The following PROM1 variants were observed in gnomAD, a reference collection of about 807,000 sequenced individuals.
PROM1 encodes the protein prominin 1, also known as prominin-1.
Under a neutral mutation model 116.9 loss-of-function variants are expected in PROM1, and 105 were observed. The observed-to-expected ratio is 0.90, with a 90% CI of 0.77 to 1.06. The LOEUF is 1.06. PROM1 is among the 50% of genes least tolerant of loss of function. The pLI is 0.00. For missense variants in PROM1, 1,122 were observed against 1,045.2 expected (o/e 1.07, Z -1.01); for synonymous variants, 393 against 387.0 (o/e 1.02, Z -0.18).
chr4:15,995,354 G>A (rs950941646), intron 15 of PROM1, among the ~76,000 whole-genome samples: 1 of 151,390 alleles, frequency 6.6e-6, no homozygotes, highest in Non-Finnish European at 1.5e-5. Flanking sequence ...GAAGAAGAAG[G>A]AGGAGGAGGA....
chr4:15,993,752 A>G (rs1458328121), intron 16 of PROM1, among the ~76,000 whole-genome samples: 1 of 152,252 alleles, frequency 6.6e-6, no homozygotes, highest in East Asian at 1.9e-4. Flanking sequence ...AGGCTCTTGC[A>G]TAATCCACTA....
intron 2 of PROM1, among the ~76,000 whole-genome samples, chr4:16,048,487 G>A (rs1324554034): frequency 6.6e-6 from 1 of 152,166 alleles, no homozygotes; most frequent in African/African-American, 2.4e-5. Flanking sequence ...CAGACTTTTA[G>A]AAGCCAAGCC....
chr4:16,079,520 G>T (rs1424470872), intron 1 of PROM1: 1 of 152,140 alleles, frequency 6.6e-6, no homozygotes, highest in Non-Finnish European at 1.5e-5. Flanking sequence ...TTTATCTCGG[G>T]TTTAATAGGT....
chr4:15,993,406 C>T (rs1027180608), intron 16 of PROM1, among the ~76,000 whole-genome samples: 3 of 152,192 alleles, frequency 2.0e-5, no homozygotes, highest in Non-Finnish European at 4.4e-5. Context: ...TTTCTTCAGG[C>T]CAGTGTGCCC....
chr4:16,019,731 C>T (rs1374103770), intron 8 of PROM1, among the ~76,000 whole-genome samples: 5 of 152,128 alleles, frequency 3.3e-5, no homozygotes, highest in Admixed American at 2.6e-4. Flanking sequence ...GTCAGGTCTT[C>T]GCTCTGTGGT....
At chr4:16,002,891 A>T (rs1172087762) in intron 13 of PROM1, among the ~76,000 whole-genome samples, 4 of 152,220 alleles carry the variant, frequency 2.6e-5, no homozygotes, top group Non-Finnish European at 5.9e-5. Context: ...AAGGTTAGTG[A>T]GATAATGGCT....
intron 2 of PROM1, among the ~76,000 whole-genome samples, chr4:16,045,449 G>C (rs999045107): frequency 1.3e-5 from 2 of 152,116 alleles, no homozygotes; most frequent in African/African-American, 4.8e-5. Context: ...CTCTATGTTG[G>C]ACTGAGCAGT....
intron 26 of PROM1, among the ~76,000 whole-genome samples, chr4:15,975,715 CCTT>C (rs760341618): frequency 6.6e-6 from 1 of 152,202 alleles, no homozygotes; most frequent in Non-Finnish European, 1.5e-5. Flanking sequence ...CATTTCCTAA[CCTT>C]CTGCAAATAA....
At chr4:16,021,620 T>C (rs943310739) in intron 8 of PROM1, among the ~76,000 whole-genome samples, 39 of 152,320 alleles carry the variant, frequency 2.6e-4, no homozygotes, top group African/African-American at 8.9e-4. Flanking sequence ...GGATCCAGGC[T>C]GCAGTGTTGC....
intron 2 of PROM1, among the ~76,000 whole-genome samples, chr4:16,039,687 G>A (rs545465876): frequency 1.4e-4 from 21 of 145,114 alleles, no homozygotes; most frequent in African/African-American, 4.6e-4. Context: ...GCAGTGAGCC[G>A]AAATCGCGCC....
At chr4:16,035,928 T>C (rs1733848233) in intron 3 of PROM1, among the ~76,000 whole-genome samples, 167 bp from the exon 4 acceptor site, 1 of 152,184 alleles carries the variant, frequency 6.6e-6, no homozygotes, top group Non-Finnish European at 1.5e-5. Flanking sequence ...AAAACTTGAG[T>C]GTGAATTCAA....
rs912795460 is a variant in PROM1 at position 16,037,345 on chromosome 4, G to A, written c.277-1584C>T. On this transcript the variant is annotated intron_variant, in intron 3 of 27. Transcript: ENST00000447510. ...ACTGAGGAATGAAAATGCTTTCCAC[G>A]GTGCTGGGGAAGGCTGTGAGCCCTG... Among the ~76,000 whole-genome samples the A allele has an allele frequency of 1.9e-4, 29 of 152,136 alleles. 1 individual carries two copies. Among genetic ancestry groups the A allele is most frequent in the African/African-American group, 5.3e-4 (22 of 41,414 alleles).
intron 2 of PROM1, among the ~76,000 whole-genome samples, chr4:16,059,259 C>A (rs970271212): frequency 1.3e-5 from 2 of 152,206 alleles, no homozygotes; most frequent in Non-Finnish European, 2.9e-5. Context: ...AAGTGAGTTA[C>A]CCTCTCCGAG....
At chr4:15,981,642 T>C (rs1360263919) in intron 23 of PROM1, among the ~76,000 whole-genome samples, 1 of 152,072 alleles carries the variant, frequency 6.6e-6, no homozygotes, top group Non-Finnish European at 1.5e-5. Flanking sequence ...GCAGCTGAGA[T>C]GCTTGCATCT....
intron 16 of PROM1, among the ~76,000 whole-genome samples, 179 bp from the exon 17 acceptor site, chr4:15,992,570 T>C (rs11941087): frequency 0.12 from 17,830 of 152,000 alleles, 1,092 homozygotes; most frequent in Middle Eastern, 0.15. Flanking sequence ...CAGGGCAACA[T>C]AAAGAGACCT....
intron 2 of PROM1, among the ~76,000 whole-genome samples, chr4:16,052,545 C>T (rs773908239): frequency 1.3e-5 from 2 of 151,276 alleles, no homozygotes; most frequent in African/African-American, 2.4e-5. Flanking sequence ...GGTGTGATCT[C>T]GGCTCACTGC....
intron 6 of PROM1, among the ~76,000 whole-genome samples, chr4:16,024,618 G>T (rs921227082): frequency 6.6e-6 from 1 of 152,070 alleles, no homozygotes; most frequent in Admixed American, 6.6e-5. Flanking sequence ...CAGAAGAAAG[G>T]GTACTTCCTC....
At position 15,984,327 on chromosome 4, in the gene PROM1, G is replaced by T. The variant is rs568361529; in HGVS notation, c.2309C>A (p.Pro770His). ...AGCAGTATCTAGAGCGGTGGCCACA[G>T]GTTTGCACGATGCCACTTTCTCACT... Reference protein sequence around the residue: ...SISEKVASCKPVATALDTAVD... With the variant: ...SISEKVASCKHVATALDTAVD... Residue 770 changes from proline to histidine, a missense_variant, in exon 23 of 28, where the codon CCT (proline) becomes CAT (histidine). Coordinates refer to ENST00000447510, the MANE Select transcript of PROM1 (RefSeq NM_006017.3). The T allele has an allele frequency of 1.1e-4, 173 of 1,604,836 alleles. 3 individuals are homozygous for T. The South Asian group carries it at 1.8e-3, about 17-fold the overall frequency.
rs548630478 is a variant in PROM1 at position 16,041,734 on chromosome 4, C to T, written c.221-2733G>A. ...CTGCACTCCAGCTCGGGTGACAGAT[C>T]GAGACCCTGCCTCAAATAAATAAAT... On this transcript the variant is annotated intron_variant, in intron 2 of 27. Coordinates refer to ENST00000447510, the MANE Select transcript of PROM1 (RefSeq NM_006017.3). 5.7e-3 allele frequency among the ~76,000 whole-genome samples: 843 copies of T among 147,310 alleles called. 6 individuals carry two copies. Among genetic ancestry groups the T allele is most frequent in the African/African-American group, 0.02 (802 of 39,996 alleles).
Sources: gnomAD v4.1 joint callset for allele counts (sites outside exome capture counted in the v4.1 genomes callset) on GRCh38, gnomAD v4.1.1 for gene constraint, MANE v1.5 for transcripts, NCBI Gene and HGNC (gene_info 2026-07-23, HGNC 2026-07-21) for gene names.